The following MRAS variants were observed in gnomAD, a reference collection of about 807,000 sequenced individuals.
MRAS encodes the protein ras-related protein M-Ras.
In MRAS, 4 loss-of-function variants were observed where a neutral mutation model predicts 20.9. That is an observed-to-expected ratio of 0.19 (90% confidence interval 0.09 to 0.44). The LOEUF is 0.44. Among genes scored for constraint, MRAS ranks in the 20% least tolerant of loss-of-function variants. The probability of loss-of-function intolerance (pLI) is 0.99; values close to 1 mark genes in which losing one functional copy is unlikely to be tolerated. For missense variants in MRAS, 154 were observed against 277.5 expected (o/e 0.56, Z 3.16); for synonymous variants, 98 against 102.9 (o/e 0.95, Z 0.29).
intron 1 of MRAS, among the ~76,000 whole-genome samples, chr3:138,370,798 A>G (rs1269555184): frequency 6.6e-6 from 1 of 152,224 alleles, no homozygotes; most frequent in Non-Finnish European, 1.5e-5. Flanking sequence ...TTGAAACATT[A>G]AGAAAATGAA....
At position 138,397,461 on chromosome 3, in the gene MRAS, C is replaced by T. The variant is rs1301422225; in HGVS notation, c.331C>T (p.Leu111=). ...CGTGGACCGCTTCCACCAGCTTATC[C>T]TGCGCGTCAAAGACAGGTGAGCATC... ...EHVDRFHQLI[L]RVKDRESFPM... is the part of the protein sequence containing the mutation. The change falls in exon 3 of 6, where the codon CTG becomes TTG. Residue 111 remains leucine (L), a synonymous_variant. Coordinates refer to ENST00000423968, the MANE Select transcript of MRAS (RefSeq NM_001085049.3). 2.5e-6 allele frequency: 4 copies of T among 1,613,986 alleles called. No homozygotes were observed. In the Admixed American group the frequency reaches 5.0e-5, roughly 20 times the overall value.
chr3:138,400,064 G>T (rs1385549938), intron 4 of MRAS: 1 of 155,018 alleles, frequency 6.5e-6, no homozygotes, highest in African/African-American at 2.4e-5. Context: ...GGCCAGCTCC[G>T]ACGGGGCCAG....
chr3:138,403,130 G>T lies in MRAS; in HGVS notation c.*861G>T, dbSNP rs1455952088. 1 of 152,212 alleles carries T rather than the reference G, an allele frequency of 6.6e-6. No homozygotes were observed. The highest frequency in any genetic ancestry group is 1.5e-5 in the Non-Finnish European group (1 of 68,040). The allele number at this position is 152,212 out of a possible 1,614,324, so 9.4% of individuals were successfully genotyped here. ...GGAAATGTATAAACTAAAGTAAGCT[G>T]ATTGGCTTTGCAAACATGTTCATTT... On this transcript the variant is annotated 3_prime_UTR_variant, in exon 6 of 6. Coordinates refer to ENST00000423968, the MANE Select transcript of MRAS (RefSeq NM_001085049.3).
intron 1 of MRAS, 45 bp from the exon 2 acceptor site, chr3:138,372,821 G>A: frequency 7.4e-7 from 1 of 1,352,992 alleles, no homozygotes; most frequent in Non-Finnish European, 9.9e-7. Context: ...TTTCCCCTAA[G>A]TTAAAAAAGC....
At chr3:138,355,792 G>A (rs531880216) in intron 1 of MRAS, among the ~76,000 whole-genome samples, 7 of 152,306 alleles carry the variant, frequency 4.6e-5, no homozygotes, top group Admixed American at 3.9e-4. Flanking sequence ...TTAGCTGGGC[G>A]TGGTGGTGTG....
intron 2 of MRAS, among the ~76,000 whole-genome samples, chr3:138,376,017 G>A (rs1297727021): frequency 6.6e-6 from 1 of 152,058 alleles, no homozygotes; most frequent in South Asian, 2.1e-4. Flanking sequence ...AAAAAACTTT[G>A]TAAATATGTT....
chr3:138,400,359 C>T, intron 4 of MRAS, 175 bp from the exon 5 acceptor site: 1 of 607,770 alleles, frequency 1.6e-6, no homozygotes. Flanking sequence ...GTAACACTTT[C>T]CAACCTGAAA....
chr3:138,367,045 G>A (rs568932546), intron 1 of MRAS, among the ~76,000 whole-genome samples: 1 of 152,288 alleles, frequency 6.6e-6, no homozygotes, highest in South Asian at 2.1e-4. Flanking sequence ...TTTCGTGAGG[G>A]GTAAGACCCA....
chr3:138,385,156 ATTTTTT>A (rs34770279), intron 2 of MRAS, among the ~76,000 whole-genome samples: 3 of 66,474 alleles, frequency 4.5e-5, no homozygotes, highest in African/African-American at 6.5e-5. Flanking sequence ...TTGATTTGTA[ATTTTTT>A]TTTTTTTTTT....
At chr3:138,357,320 CAG>C (rs776364286) in intron 1 of MRAS, among the ~76,000 whole-genome samples, 21 of 152,236 alleles carry the variant, frequency 1.4e-4, no homozygotes, top group Non-Finnish European at 2.5e-4. Flanking sequence ...CCTGGGGACT[CAG>C]GGACTTTCAG....
intron 1 of MRAS, among the ~76,000 whole-genome samples, chr3:138,354,399 C>T (rs2054288995): frequency 6.6e-6 from 1 of 152,206 alleles, no homozygotes; most frequent in Admixed American, 6.5e-5. Flanking sequence ...GCCAGTTTGG[C>T]CCATCCTCAG....
intron 2 of MRAS, among the ~76,000 whole-genome samples, chr3:138,391,651 C>A (rs2055134713): frequency 6.6e-6 from 1 of 152,164 alleles, no homozygotes; most frequent in Admixed American, 6.5e-5. Context: ...ACTTGGGTCC[C>A]ATCCCCAAGA....
intron 2 of MRAS, among the ~76,000 whole-genome samples, chr3:138,393,691 T>TTTCTTTTC (rs5852911): frequency 5.3e-5 from 8 of 151,768 alleles, no homozygotes; most frequent in Admixed American, 5.2e-4. Context: ...GTCTTCTGCT[T>TTTCTTTTC]TTTTCTTTTT....
intron 1 of MRAS, 142 bp from the exon 2 acceptor site, chr3:138,372,724 G>A: frequency 1.7e-6 from 1 of 600,496 alleles, no homozygotes; most frequent in Non-Finnish European, 2.6e-6. Context: ...CAGGGGTAAT[G>A]CTTTTATTTT....
intron 1 of MRAS, among the ~76,000 whole-genome samples, chr3:138,364,114 G>A (rs1284372741): frequency 6.6e-6 from 1 of 152,146 alleles, no homozygotes; most frequent in Admixed American, 6.5e-5. Flanking sequence ...GTGGCCAGCT[G>A]AGACATGCCT....
chr3:138,381,374 G>A (rs2054899603), intron 2 of MRAS, among the ~76,000 whole-genome samples: 1 of 152,224 alleles, frequency 6.6e-6, no homozygotes. Context: ...CTAGCTAGCT[G>A]GAGAGCCAGG....
At chr3:138,363,047 T>TTTG (rs2054483178) in intron 1 of MRAS, among the ~76,000 whole-genome samples, 4 of 124,282 alleles carry the variant, frequency 3.2e-5, no homozygotes, top group Admixed American at 2.9e-4. Flanking sequence ...TTTTTTGTGT[T>TTTG]TTTTTTTGAG....
At chr3:138,388,000 TG>T (rs1032427324) in intron 2 of MRAS, among the ~76,000 whole-genome samples, 14 of 152,182 alleles carry the variant, frequency 9.2e-5, no homozygotes, top group African/African-American at 3.4e-4. Flanking sequence ...TTGAGGAGGT[TG>T]GGGCCACTGG....
At chr3:138,360,426 A>G (rs1268645872) in intron 1 of MRAS, among the ~76,000 whole-genome samples, 1 of 152,190 alleles carries the variant, frequency 6.6e-6, no homozygotes, top group Non-Finnish European at 1.5e-5. Context: ...GTTAAGGGAC[A>G]ACCTTAGCTG....
Sources: gnomAD v4.1 joint callset for allele counts (sites outside exome capture counted in the v4.1 genomes callset) on GRCh38, gnomAD v4.1.1 for gene constraint, MANE v1.5 for transcripts, NCBI Gene and HGNC (gene_info 2026-07-23, HGNC 2026-07-21) for gene names.